SNX6: variants seen among roughly 807,000 people sequenced by gnomAD.
The protein encoded by SNX6 is sorting nexin-6.
Under a neutral mutation model 63.0 loss-of-function variants are expected in SNX6, and 34 were observed. That is an observed-to-expected ratio of 0.54 (90% CI 0.41 to 0.72). The LOEUF is 0.72. SNX6 is among the 30% of genes least tolerant of loss of function. SNX6 has a pLI of 0.00. For synonymous variants in SNX6, 170 were observed against 164.2 expected, an observed-to-expected ratio of 1.04 and a Z score of -0.27; for missense variants, 398 against 471.4, an observed-to-expected ratio of 0.84 and a Z score of 1.44.
chr14:34,620,683 G>A (rs1302133200), intron 2 of SNX6, among the ~76,000 whole-genome samples: 1 of 152,056 alleles, frequency 6.6e-6, no homozygotes, highest in African/African-American at 2.4e-5. Context: ...GCTCACGCCT[G>A]TAATCTCAGC....
chr14:34,564,133 T>A (rs1376446410), intron 13 of SNX6, among the ~76,000 whole-genome samples: 1 of 152,132 alleles, frequency 6.6e-6, no homozygotes, highest in Non-Finnish European at 1.5e-5. Flanking sequence ...GTTCAAGCGA[T>A]CCTTCTGGCT....
rs150343602 is a variant in SNX6, at chr14:34,573,019, T to C, written c.921+2737A>G. Among the ~76,000 whole-genome samples, 36 of 152,204 alleles carry C rather than the reference T, an allele frequency of 2.4e-4. No individual in the cohort carries two copies. In the East Asian group the frequency reaches 6.2e-3, roughly 26 times the overall value. ...TTTTAAAAGACAAGGTCTTACTCTG[T>C]TGTCCAGGCAACAGTATACAGTGGC... is the stretch of plus-strand genomic sequence containing the variant. On this transcript the variant is annotated intron_variant, in intron 11 of 13. Coordinates refer to ENST00000362031, the MANE Select transcript of SNX6 (RefSeq NM_152233.4).
chr14:34,604,810 G>A (rs922594255), intron 5 of SNX6, among the ~76,000 whole-genome samples: 5 of 150,824 alleles, frequency 3.3e-5, no homozygotes, highest in African/African-American at 1.2e-4. Flanking sequence ...GAACATTTCA[G>A]ATTTCAGATT....
intron 2 of SNX6, among the ~76,000 whole-genome samples, chr14:34,628,162 T>G (rs567175567): frequency 6.6e-6 from 1 of 152,038 alleles, no homozygotes; most frequent in African/African-American, 2.4e-5. Flanking sequence ...AGACCCTGTC[T>G]CTATAAAAAC....
At chr14:34,588,369 T>G (rs1297108845) in intron 8 of SNX6, among the ~76,000 whole-genome samples, 1 of 151,578 alleles carries the variant, frequency 6.6e-6, no homozygotes, top group Non-Finnish European at 1.5e-5. Context: ...TGTGATCCCC[T>G]TGCCTCAGCA....
chr14:34,594,004 A>G lies in SNX6; in HGVS notation c.613-854T>C, dbSNP rs138890861. Among the ~76,000 whole-genome samples the G allele has an allele frequency of 3.3e-3, 504 of 152,214 alleles. 3 individuals are homozygous for G. The highest frequency in any genetic ancestry group is 0.012 in the African/African-American group (490 of 41,570). ...GTGCTAAAGTGCTGGGATTACAGGC[A>G]TGAGCCACCGCACTTGGCCTCACAT... On this transcript the variant is annotated intron_variant, in intron 7 of 13. Transcript: ENST00000362031.
At chr14:34,593,830 G>A (rs748751411) in intron 7 of SNX6, among the ~76,000 whole-genome samples, 2 of 150,724 alleles carry the variant, frequency 1.3e-5, no homozygotes, top group Non-Finnish European at 2.9e-5. Flanking sequence ...CGCCCACCTC[G>A]GCCTCCCAAA....
intron 2 of SNX6, among the ~76,000 whole-genome samples, chr14:34,610,595 ACAGT>A (rs1445885315): frequency 6.6e-6 from 1 of 152,328 alleles, no homozygotes; most frequent in East Asian, 1.9e-4. Flanking sequence ...ATACTAACAT[ACAGT>A]AAGTACTCAA....
At chr14:34,618,307 C>T (rs907760432) in intron 2 of SNX6, among the ~76,000 whole-genome samples, 1 of 152,126 alleles carries the variant, frequency 6.6e-6, no homozygotes, top group Admixed American at 6.6e-5. Context: ...CTGATATCAT[C>T]TAATTTACCA....
At chr14:34,609,560 A>C (rs1883147317) in intron 3 of SNX6, 78 bp downstream of exon 3, 2 of 701,380 alleles carry the variant, frequency 2.9e-6, no homozygotes, top group South Asian at 5.2e-5. Flanking sequence ...TTATGTTTAA[A>C]ACCCAAGTCT....
intron 3 of SNX6, 120 bp from the exon 4 acceptor site, chr14:34,608,260 C>T: frequency 1.9e-6 from 1 of 529,724 alleles, no homozygotes; most frequent in South Asian, 2.2e-5. Flanking sequence ...TCACTGCAGC[C>T]TCAACCTCCC....
At chr14:34,592,770 T>C (rs970059076) in intron 8 of SNX6, among the ~76,000 whole-genome samples, 1 of 152,122 alleles carries the variant, frequency 6.6e-6, no homozygotes, top group African/African-American at 2.4e-5. Context: ...ACAAACAGGA[T>C]CTTACTCTGT....
At chr14:34,589,152 A>G (rs538728053) in intron 8 of SNX6, among the ~76,000 whole-genome samples, 5 of 151,176 alleles carry the variant, frequency 3.3e-5, no homozygotes, top group African/African-American at 1.2e-4. Context: ...ATAAAAGGAA[A>G]AAGAAAATAT....
intron 5 of SNX6, chr14:34,604,079 GA>G: frequency 9.0e-7 from 1 of 1,116,284 alleles, no homozygotes; most frequent in Non-Finnish European, 1.1e-6. Flanking sequence ...AACATTCAAG[GA>G]AAAGGCTTGA....
intron 7 of SNX6, among the ~76,000 whole-genome samples, chr14:34,596,341 C>A (rs2138328043): frequency 6.6e-6 from 1 of 151,830 alleles, no homozygotes; most frequent in Non-Finnish European, 1.5e-5. Flanking sequence ...GAAAATCTGG[C>A]TGGGCGCAGT....
At position 34,562,917 on chromosome 14, in the gene SNX6, G is replaced by T; in HGVS notation, c.*205C>A. On this transcript the variant is annotated 3_prime_UTR_variant, in exon 14 of 14. Transcript: ENST00000362031. ...TGCACGATGATGGACCACTGTCATG[G>T]GGAACACAGTGCGGCATCACGGCAC... is the stretch of plus-strand genomic sequence containing the variant. 1 of 591,854 alleles carries T rather than the reference G, an allele frequency of 1.7e-6. No individual in the cohort carries two copies. The highest frequency in any genetic ancestry group is 3.0e-6 in the Non-Finnish European group (1 of 329,130). The allele number at this position is 591,854 out of a possible 1,614,324, so 36.7% of individuals were successfully genotyped here.
chr14:34,609,758 C>T lies in SNX6; in HGVS notation c.55-16G>A. 1 of 1,480,256 alleles carries T rather than the reference C, an allele frequency of 6.8e-7. No homozygotes were observed. 91.7% of individuals were successfully genotyped at this position (1,480,256 alleles called of 1,614,324 possible). A position where few individuals can be genotyped will look rare whatever the true frequency, so the allele number is the denominator to read the frequency against. On this transcript the variant is annotated splice_polypyrimidine_tract_variant and intron_variant, in intron 2 of 13. Coordinates refer to ENST00000362031, the MANE Select transcript of SNX6 (RefSeq NM_152233.4). ...TTGCTTTAAGCTAGAAAAAGAAAAC[C>T]AGTATCTTCATGAAAATCATGTTTT...
chr14:34,570,297 C>T lies in SNX6; in HGVS notation c.922-2284G>A, dbSNP rs544458817. 4.0e-5 allele frequency among the ~76,000 whole-genome samples: 6 copies of T among 151,822 alleles called. No homozygotes were observed. The East Asian group carries it at 1.2e-3, about 29-fold the overall frequency. ...GTCATGCTGGTCTTGAACTCCCGAC[C>T]TCAAGTAATCTGCCCACCTCTGCCT... On this transcript the variant is annotated intron_variant, in intron 11 of 13. Coordinates refer to ENST00000362031, the MANE Select transcript of SNX6 (RefSeq NM_152233.4).
intron 2 of SNX6, among the ~76,000 whole-genome samples, chr14:34,610,681 T>A (rs945952481): frequency 1.3e-5 from 2 of 152,166 alleles, no homozygotes; most frequent in Non-Finnish European, 2.9e-5. Flanking sequence ...TTCTCATCTA[T>A]AAGAAGACTC....
Sources: allele counts gnomAD v4.1 joint callset (sites outside exome capture counted in the v4.1 genomes callset), GRCh38; gene constraint gnomAD v4.1.1; transcripts MANE v1.5; gene names NCBI Gene and HGNC (gene_info 2026-07-23, HGNC 2026-07-21).